PRRC2C: variants seen among roughly 807,000 people sequenced by gnomAD.
The protein encoded by PRRC2C is protein PRRC2C.
PRRC2C carries 72 observed loss-of-function variants against 317.2 expected under a neutral mutation model. The ratio of observed to expected loss-of-function variants is 0.23; its 90% confidence interval spans 0.19 to 0.28. The LOEUF (loss-of-function observed/expected upper bound fraction) is 0.28. Among genes scored for constraint, PRRC2C ranks in the 10% least tolerant of loss-of-function variants. The pLI, the probability that PRRC2C is intolerant of heterozygous loss-of-function variation, is 1.00. For synonymous variants in PRRC2C, 1,296 were observed against 1,205.9 expected (o/e 1.07, Z -1.55); for missense variants, 3,074 against 3,459.7 (o/e 0.89, Z 2.80).
At position 171,524,970 on chromosome 1, in the gene PRRC2C, G is replaced by T; in HGVS notation, c.1200+5G>T. Reference sequence around the variant, plus strand: ...AAAGGACCTTCATTTAATCAGGTTTGTTGGACTCATGGAGATCCTTGTTAT... The same window carrying T: ...AAAGGACCTTCATTTAATCAGGTTTTTTGGACTCATGGAGATCCTTGTTAT... On this transcript the variant is annotated splice_donor_5th_base_variant and intron_variant, in intron 10 of 34. Coordinates refer to ENST00000647382, the MANE Select transcript of PRRC2C (RefSeq NM_001387844.1). The T allele has an allele frequency of 6.3e-7, 1 of 1,592,286 alleles. No individual in the cohort carries two copies. Among genetic ancestry groups the T allele is most frequent in the Non-Finnish European group, 8.6e-7 (1 of 1,167,930 alleles).
At chr1:171,528,625 C>G (rs558619765) in intron 11 of PRRC2C, among the ~76,000 whole-genome samples, 1 of 152,030 alleles carries the variant, frequency 6.6e-6, no homozygotes, top group Non-Finnish European at 1.5e-5. Flanking sequence ...TTATACTTAC[C>G]GTCTTTTGCT....
At chr1:171,545,821 T>C (rs2102536412) in intron 17 of PRRC2C, 134 bp downstream of exon 17, 1 of 518,112 alleles carries the variant, frequency 1.9e-6, no homozygotes. Flanking sequence ...ATTCAAGGTA[T>C]ACATAGTGGC....
intron 11 of PRRC2C, among the ~76,000 whole-genome samples, chr1:171,531,936 T>G (rs186589990): frequency 6.6e-6 from 1 of 152,350 alleles, no homozygotes; most frequent in East Asian, 1.9e-4. Context: ...TCACATGCCA[T>G]CATTTTGGAT....
At chr1:171,552,136 G>A (rs1223206576) in intron 18 of PRRC2C, among the ~76,000 whole-genome samples, 1 of 152,026 alleles carries the variant, frequency 6.6e-6, no homozygotes, top group Non-Finnish European at 1.5e-5. Flanking sequence ...CTTTTATTTT[G>A]TTGAGCAGTG....
chr1:171,589,449 A>G lies in PRRC2C; in HGVS notation c.8280A>G (p.Pro2760=). The G allele has an allele frequency of 7.8e-7, 1 of 1,289,492 alleles. No individual in the cohort carries two copies. The highest frequency in any genetic ancestry group is 1.0e-6 in the Non-Finnish European group (1 of 988,834). The allele number at this position is 1,289,492 out of a possible 1,614,324, so 79.9% of individuals were successfully genotyped here. A position where few individuals can be genotyped will look rare whatever the true frequency, so the allele number is the denominator to read the frequency against. Residue 2760 remains proline, a synonymous_variant, in exon 34 of 35, where the codon CCA becomes CCG. Coordinates refer to ENST00000647382, the MANE Select transcript of PRRC2C (RefSeq NM_001387844.1). ...TNTFPAPVQR[P]PMALASQMPP... ...CCTTCCCAGCGCCTGTTCAGAGGCCACCAATGGCACTGGCCAGTCAGATGC... is the reference window on the plus strand; with the variant it reads ...CCTTCCCAGCGCCTGTTCAGAGGCCGCCAATGGCACTGGCCAGTCAGATGC...
intron 1 of PRRC2C, among the ~76,000 whole-genome samples, chr1:171,500,811 A>T (rs1263996747): frequency 6.6e-6 from 1 of 151,826 alleles, no homozygotes; most frequent in Non-Finnish European, 1.5e-5. Context: ...TTCTTCTTTC[A>T]TTTCTTTTTT....
Position 171,558,107 on chromosome 1 carries a change from G to T in PRRC2C, c.5995G>T (p.Ala1999Ser), listed in dbSNP as rs371392988. The change falls in exon 19 of 35, where the codon GCC becomes TCC. Residue 1999 changes from alanine to serine, a missense_variant. Physicochemically the swap from Ala to Ser is moderately conservative, Grantham distance 99. Coordinates refer to ENST00000647382, the MANE Select transcript of PRRC2C (RefSeq NM_001387844.1). Reference sequence around the variant, plus strand: ...AGCTGAATTATGGGATAACAAGGTGGCCCCACCAGCTGTGCTGAATGATAT... The same window carrying T: ...AGCTGAATTATGGGATAACAAGGTGTCCCCACCAGCTGTGCTGAATGATAT... ...LTAELWDNKV[A>S]PPAVLNDISK... 3 of 1,613,458 alleles carry T rather than the reference G, an allele frequency of 1.9e-6. No individual in the cohort carries two copies. The highest frequency in any genetic ancestry group is 2.5e-6 in the Non-Finnish European group (3 of 1,179,614).
intron 6 of PRRC2C, among the ~76,000 whole-genome samples, 163 bp downstream of exon 6, chr1:171,517,977 A>G (rs767616773): frequency 7.9e-5 from 12 of 152,256 alleles, no homozygotes; most frequent in Non-Finnish European, 1.6e-4. Context: ...AAGGGACTAC[A>G]CATGGTGTAA....
intron 28 of PRRC2C, among the ~76,000 whole-genome samples, chr1:171,580,420 T>C (rs1045974586): frequency 6.6e-5 from 10 of 152,198 alleles, no homozygotes; most frequent in African/African-American, 2.2e-4. Context: ...ATAAATATGC[T>C]GTGTAGTGAA....
intron 24 of PRRC2C, among the ~76,000 whole-genome samples, chr1:171,571,995 G>A (rs912631498): frequency 3.3e-5 from 5 of 151,710 alleles, no homozygotes; most frequent in Non-Finnish European, 5.9e-5. Context: ...ATGTCAAAAT[G>A]TTTTGGCCTT....
chr1:171,547,462 G>A (rs1464160005), intron 17 of PRRC2C, among the ~76,000 whole-genome samples: 2 of 152,132 alleles, frequency 1.3e-5, no homozygotes, highest in African/African-American at 2.4e-5. Flanking sequence ...TCAGTCTGAA[G>A]TAATGTGTGC....
intron 16 of PRRC2C, among the ~76,000 whole-genome samples, chr1:171,543,815 A>G (rs1678484823): frequency 6.6e-6 from 1 of 152,166 alleles, no homozygotes; most frequent in South Asian, 2.1e-4. Context: ...TGCAAAGTCG[A>G]AGGTTGAGGG....
intron 1 of PRRC2C, among the ~76,000 whole-genome samples, chr1:171,490,794 G>A (rs767085713): frequency 2.6e-5 from 4 of 152,180 alleles, no homozygotes; most frequent in African/African-American, 9.7e-5. Flanking sequence ...GTTAAAGGGG[G>A]AAGAGGGAAA....
chr1:171,548,159 G>A (rs1407925926), intron 17 of PRRC2C, among the ~76,000 whole-genome samples: 4 of 151,442 alleles, frequency 2.6e-5, no homozygotes, highest in African/African-American at 9.7e-5. Flanking sequence ...TAGAGAGAGG[G>A]TTTTTTACCA....
At chr1:171,569,797 A>G (rs1006738992) in intron 23 of PRRC2C, among the ~76,000 whole-genome samples, 7 of 151,344 alleles carry the variant, frequency 4.6e-5, no homozygotes. Flanking sequence ...TATTTCTACG[A>G]TAGTGGTTTT....
chr1:171,573,739 C>T (rs1362361879), intron 24 of PRRC2C, among the ~76,000 whole-genome samples: 1 of 122,422 alleles, frequency 8.2e-6, no homozygotes, highest in Non-Finnish European at 1.6e-5. Flanking sequence ...AGTGCAGTGG[C>T]GCTATCTCGG....
In PRRC2C at chr1:171,561,114, G is replaced by T. The variant is rs750444781; in HGVS notation, c.6117+11G>T. The T allele has an allele frequency of 1.9e-6, 3 of 1,556,934 alleles. No individual in the cohort carries two copies. The highest frequency in any genetic ancestry group is 2.7e-6 in the Non-Finnish European group (3 of 1,128,296). On this transcript the variant is annotated intron_variant, in intron 20 of 34. Transcript: ENST00000647382. ...GCTCCTTCATCAGAGGTAAGAATAG[G>T]CTTTTAACAGCATAGGTGTGCTGGA...
Position 171,537,309 on chromosome 1 carries a change from G to T in PRRC2C, c.2340G>T (p.Gly780=). The change falls in exon 15 of 35, where the codon GGG becomes GGT. Residue 780 remains glycine (G), a synonymous_variant. Transcript: ENST00000647382. ...TAATGAGAAGAGACCAGATGGAAGG[G>T]TCACCGAACAGTTCTGAGTCATTTG... The part of the protein sequence containing the change: ...KPLMRRDQME[G]SPNSSESFEH... 2 of 1,601,192 alleles carry T rather than the reference G, an allele frequency of 1.2e-6. No homozygotes were observed. Among genetic ancestry groups the T allele is most frequent in the Non-Finnish European group, 1.7e-6 (2 of 1,173,204 alleles).
intron 6 of PRRC2C, among the ~76,000 whole-genome samples, chr1:171,519,984 A>C (rs1299533891): frequency 6.6e-6 from 1 of 152,150 alleles, no homozygotes; most frequent in Non-Finnish European, 1.5e-5. Flanking sequence ...TTACTTGTTA[A>C]ATGTTTTTTG....
Sources: allele counts gnomAD v4.1 joint callset (sites outside exome capture counted in the v4.1 genomes callset), GRCh38; gene constraint gnomAD v4.1.1; transcripts MANE v1.5; gene names NCBI Gene and HGNC (gene_info 2026-07-23, HGNC 2026-07-21).